The following GNB5 variants were observed in gnomAD, a reference collection of about 807,000 sequenced individuals.
GNB5 encodes G protein subunit beta 5, also known as guanine nucleotide-binding protein subunit beta-5.
A neutral mutation model predicts 55.3 loss-of-function variants in GNB5; 37 were observed. The observed-to-expected ratio is 0.67, with a 90% confidence interval of 0.51 to 0.88. GNB5 has a LOEUF of 0.88. GNB5 is among the 40% of genes least tolerant of loss of function. The pLI, the probability that GNB5 is intolerant of heterozygous loss-of-function variation, is 0.00. For missense variants in GNB5, 476 were observed against 515.3 expected (o/e 0.92, Z 0.74); for synonymous variants, 219 against 198.5 (o/e 1.10, Z -0.87).
Position 52,153,946 on chromosome 15 carries a change from C to T in GNB5, c.369G>A (p.Ser123=), listed in dbSNP as rs763851540. 72 of 1,611,676 alleles carry T rather than the reference C, an allele frequency of 4.5e-5. No homozygotes were observed. The highest frequency in any genetic ancestry group is 5.9e-5 in the Non-Finnish European group (70 of 1,178,344). The part of the protein sequence containing the change: ...WCKDKRRIVS[S]SQDGKVIVWD... ...TGCAGCAGGTGTGACATACCTGTGA[C>T]GAGCTCACGATCCTCCTCTTATCTT... The change falls in exon 4 of 13, where the codon TCG becomes TCA. Residue 123 remains serine (S), a synonymous_variant. Transcript: ENST00000261837.
intron 3 of GNB5, among the ~76,000 whole-genome samples, chr15:52,157,898 TA>T (rs34439773): frequency 2.3e-3 from 344 of 147,156 alleles, no homozygotes; most frequent in East Asian, 5.5e-3. Flanking sequence ...ATTAGGAAGT[TA>T]AAAAAAAAAA....
intron 7 of GNB5, chr15:52,138,622 T>C (rs375919741): frequency 2.0e-5 from 3 of 152,146 alleles, no homozygotes; most frequent in East Asian, 1.9e-4. Flanking sequence ...TCATATTTTG[T>C]TGGATGCTCA....
chr15:52,143,407 T>C (rs1190311929), intron 6 of GNB5, among the ~76,000 whole-genome samples: 1 of 152,232 alleles, frequency 6.6e-6, no homozygotes, highest in African/African-American at 2.4e-5. Context: ...TAACTAATGT[T>C]GTGATCTTGG....
At chr15:52,143,388 T>G (rs1405451423) in intron 6 of GNB5, among the ~76,000 whole-genome samples, 1 of 152,230 alleles carries the variant, frequency 6.6e-6, no homozygotes, top group Admixed American at 6.5e-5. Context: ...GAATCTCTGC[T>G]TTAGTACCTA....
intron 3 of GNB5, among the ~76,000 whole-genome samples, chr15:52,172,138 A>AT (rs2034564883): frequency 6.6e-6 from 1 of 151,544 alleles, no homozygotes. Context: ...TTCTCTTTTT[A>AT]TTTTTTATTT....
chr15:52,175,846 C>A (rs1004924532), intron 3 of GNB5, among the ~76,000 whole-genome samples: 1 of 151,966 alleles, frequency 6.6e-6, no homozygotes, highest in Non-Finnish European at 1.5e-5. Flanking sequence ...GTCAGGAGTT[C>A]GAGACCAGCC....
chr15:52,139,994 G>T (rs2033815325), intron 7 of GNB5: 1 of 1,245,050 alleles, frequency 8.0e-7, no homozygotes, highest in Admixed American at 2.5e-5. Context: ...TCTCATTTTG[G>T]CCACTGCACC....
chr15:52,170,894 T>C lies in GNB5; in HGVS notation c.238+8874A>G, dbSNP rs550561395. ...GCTGAGGCAGGCAGATCACCTGAGG[T>C]CAGGAGTTTGAGACCAGCCTGGACA... On this transcript the variant is annotated intron_variant, in intron 3 of 12. Transcript: ENST00000261837. Among the ~76,000 whole-genome samples, 789 of 151,492 alleles carry C rather than the reference T, an allele frequency of 5.2e-3. 6 individuals carry two copies. Among genetic ancestry groups the C allele is most frequent in the African/African-American group, 0.019 (770 of 41,304 alleles).
At chr15:52,151,614 G>A (rs1312759347) in intron 4 of GNB5, among the ~76,000 whole-genome samples, 2 of 152,214 alleles carry the variant, frequency 1.3e-5, no homozygotes, top group African/African-American at 4.8e-5. Flanking sequence ...CTCTGGAGCA[G>A]AGAGGGATGG....
chr15:52,135,543 G>T, intron 8 of GNB5, 70 bp downstream of exon 8: 3 of 1,364,586 alleles, frequency 2.2e-6, no homozygotes, highest in South Asian at 1.2e-5. Flanking sequence ...CCCATGAATG[G>T]ACAAGAACTG....
chr15:52,140,039 C>A, intron 7 of GNB5: 1 of 1,056,424 alleles, frequency 9.5e-7, no homozygotes, highest in South Asian at 1.8e-5. Flanking sequence ...GTGAACAAGT[C>A]TGCAAGATTC....
At chr15:52,135,341 A>G (rs2033675639) in intron 8 of GNB5, among the ~76,000 whole-genome samples, 1 of 152,198 alleles carries the variant, frequency 6.6e-6, no homozygotes, top group South Asian at 2.1e-4. Flanking sequence ...ACAGGAGAAC[A>G]TTCCAGATTA....
At chr15:52,132,004 G>A (rs1010068219) in intron 9 of GNB5, among the ~76,000 whole-genome samples, 1 of 152,096 alleles carries the variant, frequency 6.6e-6, no homozygotes. Context: ...ACCTCCTCCC[G>A]CTATCCCTCC....
chr15:52,117,102 A>ATATATATATATTTTT lies in GNB5; in HGVS notation c.*5654_*5655insAAAAATATATATATA. ...CCACGCCCAGCTAATATATATATAT[A>ATATATATATATTTTT]TTTTTTTTTAGTACAGACAGGGTTT... On this transcript the variant is annotated 3_prime_UTR_variant, in exon 13 of 13. Transcript: ENST00000261837. 1.1e-5 allele frequency: 1 copy of ATATATATATATTTTT among 87,102 alleles called. No individual in the cohort carries two copies. Among genetic ancestry groups the ATATATATATATTTTT allele is most frequent in the Non-Finnish European group, 2.2e-5 (1 of 46,204 alleles). The allele number at this position is 87,102 out of a possible 1,614,324, so 5.4% of individuals were successfully genotyped here. A position where few individuals can be genotyped will look rare whatever the true frequency, so the allele number is the denominator to read the frequency against.
intron 3 of GNB5, 143 bp downstream of exon 3, chr15:52,179,625 G>T: frequency 3.0e-6 from 1 of 328,328 alleles, no homozygotes; most frequent in Non-Finnish European, 5.1e-6. Flanking sequence ...CTGCGCGCCC[G>T]GGCCCCAGGG....
chr15:52,163,018 G>A (rs1026289295), intron 3 of GNB5, among the ~76,000 whole-genome samples: 2 of 152,194 alleles, frequency 1.3e-5, no homozygotes, highest in Admixed American at 6.5e-5. Flanking sequence ...GCTAGTCGGG[G>A]CGACTCACAG....
intron 4 of GNB5, among the ~76,000 whole-genome samples, chr15:52,151,959 G>GA (rs2034105334): frequency 6.6e-6 from 1 of 151,456 alleles, no homozygotes; most frequent in African/African-American, 2.4e-5. Context: ...CCCATCTCAA[G>GA]AAAAGAAAAA....
At chr15:52,149,558 C>T in intron 5 of GNB5, 1 of 572,732 alleles carries the variant, frequency 1.7e-6, no homozygotes, top group Non-Finnish European at 3.1e-6. Context: ...ATTTTGGTGC[C>T]TCTTATCACT....
intron 12 of GNB5, among the ~76,000 whole-genome samples, chr15:52,124,005 CAAAAAAA>C (rs56008657): frequency 1.8e-4 from 15 of 84,406 alleles, no homozygotes; most frequent in East Asian, 7.1e-4. Context: ...ATAGAAAAAC[CAAAAAAA>C]AAAAAAAAAA....
Sources: allele counts gnomAD v4.1 joint callset (sites outside exome capture counted in the v4.1 genomes callset), GRCh38; gene constraint gnomAD v4.1.1; transcripts MANE v1.5; gene names NCBI Gene and HGNC (gene_info 2026-07-23, HGNC 2026-07-21).